Variants in ACACA observed in about 807,000 individuals in gnomAD.
The protein encoded by ACACA is acetyl-CoA carboxylase 1.
A neutral mutation model predicts 296.1 loss-of-function variants in ACACA; 103 were observed. The ratio of observed to expected loss-of-function variants is 0.35; its 90% confidence interval spans 0.30 to 0.41. The LOEUF (loss-of-function observed/expected upper bound fraction) is 0.41. Ranked by LOEUF, ACACA falls within the 10% of genes least tolerant of loss-of-function variation. The pLI, the probability that ACACA is intolerant of heterozygous loss-of-function variation, is 1.00. For missense variants in ACACA, 1,554 were observed against 2,989.7 expected (o/e 0.52, Z 11.20); for synonymous variants, 953 against 1,038.6 (o/e 0.92, Z 1.58).
chr17:37,353,899 G>C (rs986863787), intron 1 of ACACA, among the ~76,000 whole-genome samples: 133 of 152,178 alleles, frequency 8.7e-4, no homozygotes, highest in African/African-American at 3.1e-3. Flanking sequence ...CTTGAGCCTA[G>C]GAGTTCGAAA....
chr17:37,134,866 T>C (rs568355236), intron 45 of ACACA, among the ~76,000 whole-genome samples: 1 of 152,200 alleles, frequency 6.6e-6, no homozygotes, highest in South Asian at 2.1e-4. Flanking sequence ...TGATTCTAGA[T>C]ATTAAAGTCA....
chr17:37,220,729 C>G (rs560998095), intron 29 of ACACA, among the ~76,000 whole-genome samples: 10 of 152,182 alleles, frequency 6.6e-5, no homozygotes, highest in Non-Finnish European at 1.3e-4. Flanking sequence ...ATCTGCCGAC[C>G]TCTGCTGGAT....
At chr17:37,088,448 C>T (rs2072374167) in intron 55 of ACACA, among the ~76,000 whole-genome samples, 1 of 152,144 alleles carries the variant, frequency 6.6e-6, no homozygotes, top group Non-Finnish European at 1.5e-5. Context: ...TAGGGGTGTT[C>T]TTTGTACTGT....
intron 1 of ACACA, among the ~76,000 whole-genome samples, chr17:37,353,810 C>T (rs566008781): frequency 2.0e-5 from 3 of 151,714 alleles, no homozygotes; most frequent in East Asian, 2.0e-4. Flanking sequence ...TGAGTTCATT[C>T]GGAATTTTCC....
rs781195942 is a variant in ACACA at position 37,206,890 on chromosome 17, C to G, written c.3852-11G>C. ...ACTTCATCAAAGATCCTAAAAAATA[C>G]AAGAGAAACACCCACCATGAAAACT... On this transcript the variant is annotated splice_polypyrimidine_tract_variant and intron_variant, in intron 31 of 55. Transcript: ENST00000616317. The G allele has an allele frequency of 1.9e-6, 3 of 1,602,156 alleles. No homozygotes were observed. In the South Asian group the frequency reaches 3.3e-5, roughly 18 times the overall value.
chr17:37,376,337 T>C (rs1007056791), intron 1 of ACACA, among the ~76,000 whole-genome samples: 5 of 152,228 alleles, frequency 3.3e-5, no homozygotes, highest in Non-Finnish European at 7.3e-5. Context: ...GATAGCTGTC[T>C]GTTTCATGAT....
intron 25 of ACACA, among the ~76,000 whole-genome samples, chr17:37,228,206 CTTTTTTTTTTTTTTT>C (rs11299899): frequency 9.4e-6 from 1 of 106,056 alleles, no homozygotes; most frequent in Non-Finnish European, 1.8e-5. Flanking sequence ...TTCTCAAACC[CTTTTTTTTTTTTTTT>C]TTTTTTTTTG....
chr17:37,111,764 C>G (rs2073983427), intron 51 of ACACA, 121 bp from the exon 52 acceptor site: 1 of 778,732 alleles, frequency 1.3e-6, no homozygotes, highest in African/African-American at 1.7e-5. Context: ...ATTTTGCCCA[C>G]CTATGGTTAA....
chr17:37,200,394 A>G, intron 34 of ACACA, 33 bp downstream of exon 34: 1 of 1,566,192 alleles, frequency 6.4e-7, no homozygotes, highest in Non-Finnish European at 8.8e-7. Flanking sequence ...CAGCATAAGA[A>G]ATATTAAAGA....
intron 14 of ACACA, 35 bp from the exon 15 acceptor site, chr17:37,253,071 A>C: frequency 6.2e-7 from 1 of 1,614,140 alleles, no homozygotes; most frequent in Non-Finnish European, 8.5e-7. Flanking sequence ...TTCAGCAACA[A>C]ACACTTTAAT....
chr17:37,292,583 C>T (rs1238735148), intron 3 of ACACA, among the ~76,000 whole-genome samples: 3 of 152,154 alleles, frequency 2.0e-5, no homozygotes, highest in South Asian at 2.1e-4. Flanking sequence ...AGGCCAGGTG[C>T]GGTGGCTCAC....
At chr17:37,222,336 C>T (rs1004492471) in intron 28 of ACACA, among the ~76,000 whole-genome samples, 5 of 152,098 alleles carry the variant, frequency 3.3e-5, no homozygotes, top group African/African-American at 7.2e-5. Context: ...CTTCCCCACC[C>T]GCTCAAAATC....
At chr17:37,284,991 TA>T in intron 3 of ACACA, 21 bp from the exon 4 acceptor site, 1 of 1,614,048 alleles carries the variant, frequency 6.2e-7, no homozygotes, top group Non-Finnish European at 8.5e-7. Context: ...ACAGAAGCCA[TA>T]AAAACACCAC....
intron 3 of ACACA, among the ~76,000 whole-genome samples, chr17:37,290,066 T>A (rs1426126350): frequency 1.3e-5 from 2 of 152,014 alleles, no homozygotes; most frequent in Non-Finnish European, 2.9e-5. Context: ...GTTTTTTTTT[T>A]AGACAGAGTC....
chr17:37,096,948 G>T (rs200900682), intron 54 of ACACA, 48 bp downstream of exon 54: 5 of 1,607,878 alleles, frequency 3.1e-6, no homozygotes, highest in Non-Finnish European at 4.3e-6. Flanking sequence ...GCCCTCAGGT[G>T]GTGTGAGGAA....
At chr17:37,087,585 C>A (rs962405935) in intron 55 of ACACA, 146 bp from the exon 56 acceptor site, 1 of 1,047,916 alleles carries the variant, frequency 9.5e-7, no homozygotes, top group Admixed American at 2.0e-5. Context: ...CCCTATATTA[C>A]AAATATCCAG....
At position 37,122,644 on chromosome 17, in the gene ACACA, C is replaced by T. The variant is rs1345615341; in HGVS notation, c.6042-17G>A. ...CCTCCTAGCCTGATAAAACATGAGT[C>T]ACATAAGAACCCAATGTATGTCAAC... is the stretch of plus-strand genomic sequence containing the variant. On this transcript the variant is annotated splice_polypyrimidine_tract_variant and intron_variant, in intron 48 of 55. Transcript: ENST00000616317. 5.6e-6 allele frequency: 9 copies of T among 1,603,210 alleles called. No individual in the cohort carries two copies. Among genetic ancestry groups the T allele is most frequent in the Non-Finnish European group, 7.7e-6 (9 of 1,170,074 alleles).
intron 41 of ACACA, among the ~76,000 whole-genome samples, chr17:37,175,106 ACTCT>A (rs912582005): frequency 1.3e-5 from 2 of 152,014 alleles, no homozygotes; most frequent in Non-Finnish European, 2.9e-5. Context: ...ATGGTAGTTG[ACTCT>A]CTAACATATC....
chr17:37,280,984 TCCC>T (rs967102392), intron 5 of ACACA, among the ~76,000 whole-genome samples: 2 of 151,532 alleles, frequency 1.3e-5, no homozygotes, highest in South Asian at 2.1e-4. Context: ...CACCTTTCTC[TCCC>T]CCCAATTGCT....
Sources: allele counts gnomAD v4.1 joint callset (sites outside exome capture counted in the v4.1 genomes callset), GRCh38; gene constraint gnomAD v4.1.1; transcripts MANE v1.5; gene names NCBI Gene and HGNC (gene_info 2026-07-23, HGNC 2026-07-21).